COL22A1: variants seen among roughly 807,000 people sequenced by gnomAD.
The protein encoded by COL22A1 is collagen type XXII alpha 1 chain.
A neutral mutation model predicts 248.9 loss-of-function variants in COL22A1; 221 were observed. The ratio of observed to expected loss-of-function variants is 0.89; its 90% confidence interval spans 0.80 to 0.99. The LOEUF is 0.99. Ranked by LOEUF, COL22A1 falls within the 50% of genes least tolerant of loss-of-function variation. The probability of loss-of-function intolerance (pLI) is 0.00; values close to 1 mark genes in which losing one functional copy is unlikely to be tolerated. For missense variants in COL22A1, 2,240 were observed against 2,179.0 expected, an observed-to-expected ratio of 1.03 and a Z score of -0.56; for synonymous variants, 891 against 793.4, an observed-to-expected ratio of 1.12 and a Z score of -2.07.
At chr8:138,694,317 C>T (rs1261028830) in intron 34 of COL22A1, among the ~76,000 whole-genome samples, 191 bp downstream of exon 34, 2 of 152,162 alleles carry the variant, frequency 1.3e-5, no homozygotes, top group East Asian at 3.9e-4. Context: ...AGAGGTGGGG[C>T]CTGGCCCCAT....
chr8:138,821,013 G>A lies in COL22A1; in HGVS notation c.1245+123C>T, dbSNP rs573409015. On this transcript the variant is annotated intron_variant, in intron 7 of 64. Coordinates refer to ENST00000303045, the MANE Select transcript of COL22A1 (RefSeq NM_152888.3). ...GAGTCAGGGTCTTTCCTTCTAAGAC[G>A]GTCCAAGGTGATGATTTGGTACCTG... is the stretch of plus-strand genomic sequence containing the variant. 177 of 1,071,158 alleles carry A rather than the reference G, an allele frequency of 1.7e-4. 2 individuals are homozygous for A. The highest frequency in any genetic ancestry group is 5.8e-4 in the Middle Eastern group (2 of 3,472). 66.4% of individuals were successfully genotyped at this position (1,071,158 alleles called of 1,614,324 possible). A position where few individuals can be genotyped will look rare whatever the true frequency, so the allele number is the denominator to read the frequency against.
intron 5 of COL22A1, among the ~76,000 whole-genome samples, chr8:138,831,072 TTTC>T (rs1257949419): frequency 4.6e-5 from 7 of 152,330 alleles, no homozygotes; most frequent in East Asian, 3.9e-4. Context: ...ACTTGTCTCA[TTTC>T]TTCTTCTGTA....
At position 138,776,906 on chromosome 8, in the gene COL22A1, G is replaced by T. The variant is rs150618280; in HGVS notation, c.1759-896C>A. ...CTAGGGGTTGTGTCGGAAGGCTACTGCCCTACTCTGAGAAGCAGAAGGCCT... is the reference window on the plus strand; with the variant it reads ...CTAGGGGTTGTGTCGGAAGGCTACTTCCCTACTCTGAGAAGCAGAAGGCCT... On this transcript the variant is annotated intron_variant, in intron 15 of 64. Coordinates refer to ENST00000303045, the MANE Select transcript of COL22A1 (RefSeq NM_152888.3). Among the ~76,000 whole-genome samples, 397 of 152,314 alleles carry T rather than the reference G, an allele frequency of 2.6e-3. 2 individuals are homozygous for T. The highest frequency in any genetic ancestry group is 9.0e-3 in the African/African-American group (376 of 41,572).
intron 3 of COL22A1, among the ~76,000 whole-genome samples, chr8:138,858,119 T>C (rs1034001624): frequency 6.6e-6 from 1 of 152,326 alleles, no homozygotes; most frequent in Admixed American, 6.5e-5. Flanking sequence ...CTCTGTTCTG[T>C]TTGTTCCTTA....
chr8:138,750,365 A>G (rs1360260174), intron 22 of COL22A1, among the ~76,000 whole-genome samples: 2 of 152,346 alleles, frequency 1.3e-5, no homozygotes, highest in East Asian at 1.9e-4. Flanking sequence ...TATAGGAGGC[A>G]CAGTTCTTTG....
intron 40 of COL22A1, among the ~76,000 whole-genome samples, chr8:138,679,248 C>T (rs1308098134): frequency 2.0e-5 from 3 of 152,134 alleles, no homozygotes; most frequent in South Asian, 2.1e-4. Flanking sequence ...TATTTCTTTG[C>T]ACTTTGGTTT....
In COL22A1 at chr8:138,694,370, A is replaced by C; in HGVS notation, c.2700+138T>G. ...TTAGTGAGGGCCACTCAGCCTCTGC[A>C]GCACATTGGGGCTGCTCTGCCCAGC... On this transcript the variant is annotated intron_variant, in intron 34 of 64. Transcript: ENST00000303045. 5.7e-6 allele frequency: 5 copies of C among 884,378 alleles called. No homozygotes were observed. In the South Asian group the frequency reaches 6.7e-5, roughly 12 times the overall value. The allele number at this position is 884,378 out of a possible 1,614,324, so 54.8% of individuals were successfully genotyped here.
chr8:138,812,601 C>A (rs1189822762), intron 8 of COL22A1, among the ~76,000 whole-genome samples: 1 of 152,140 alleles, frequency 6.6e-6, no homozygotes, highest in South Asian at 2.1e-4. Context: ...CAGGGCACTG[C>A]GGCCTCTCCC....
intron 50 of COL22A1, among the ~76,000 whole-genome samples, chr8:138,626,514 T>C (rs1483830959): frequency 1.3e-5 from 2 of 152,188 alleles, no homozygotes; most frequent in African/African-American, 2.4e-5. Flanking sequence ...AAACTGAATA[T>C]TGGAATGCCA....
intron 47 of COL22A1, among the ~76,000 whole-genome samples, chr8:138,643,873 T>C (rs776818119): frequency 2.0e-5 from 3 of 151,998 alleles, no homozygotes; most frequent in Admixed American, 6.6e-5. Context: ...CTAATTTCTG[T>C]TTTTAGTAGA....
chr8:138,769,458 G>A (rs545728726), intron 16 of COL22A1, among the ~76,000 whole-genome samples: 3 of 152,276 alleles, frequency 2.0e-5, no homozygotes, highest in South Asian at 2.1e-4. Flanking sequence ...GGAGCTGAGA[G>A]CCACCCTGGC....
At chr8:138,813,720 G>A (rs938613376) in intron 7 of COL22A1, among the ~76,000 whole-genome samples, 3 of 150,524 alleles carry the variant, frequency 2.0e-5, no homozygotes, top group Non-Finnish European at 3.0e-5. Context: ...TTCAGGACAC[G>A]TTAAAGTCCA....
At chr8:138,761,781 G>A (rs1286742136) in intron 17 of COL22A1, among the ~76,000 whole-genome samples, 2 of 152,122 alleles carry the variant, frequency 1.3e-5, no homozygotes, top group Non-Finnish European at 2.9e-5. Flanking sequence ...CGTTCACATG[G>A]TTCAAAACTG....
rs112088912 is a variant in COL22A1, at chr8:138,838,834, C to T, written c.733+5250G>A. ...GAGCACCTCGCTGAAGCCAGGGAAG[C>T]CGCTGGACCACGTGGTGTCAGAAGA... On this transcript the variant is annotated intron_variant, in intron 4 of 64. Transcript: ENST00000303045. Among the ~76,000 whole-genome samples, 531 of 152,286 alleles carry T rather than the reference C, an allele frequency of 3.5e-3. 3 individuals are homozygous for T. Among genetic ancestry groups the T allele is most frequent in the African/African-American group, 0.012 (498 of 41,554 alleles).
intron 32 of COL22A1, among the ~76,000 whole-genome samples, chr8:138,698,639 CA>C (rs1179522249): frequency 6.7e-5 from 10 of 149,452 alleles, no homozygotes; most frequent in Non-Finnish European, 1.3e-4. Context: ...TGCTGCCCTG[CA>C]GGTGAAAGAG....
At chr8:138,646,881 G>C (rs555947228) in intron 46 of COL22A1, among the ~76,000 whole-genome samples, 199 bp from the exon 47 acceptor site, 1 of 152,206 alleles carries the variant, frequency 6.6e-6, no homozygotes, top group Non-Finnish European at 1.5e-5. Flanking sequence ...TGCAACCATG[G>C]CATGACCCAC....
chr8:138,911,337 T>C (rs1320280), intron 1 of COL22A1, among the ~76,000 whole-genome samples: 146,721 of 152,330 alleles, frequency 0.96, 70,706 homozygotes, highest in East Asian at 1. Flanking sequence ...AGAAGACCTT[T>C]CTATGGTAGT....
intron 3 of COL22A1, 143 bp downstream of exon 3, chr8:138,877,607 G>T: frequency 1.3e-6 from 1 of 778,062 alleles, no homozygotes; most frequent in African/African-American, 1.8e-5. Context: ...AAGAATGTGG[G>T]TCCCCTCAGC....
chr8:138,600,172 C>T (rs1817885034), intron 60 of COL22A1, among the ~76,000 whole-genome samples: 2 of 152,300 alleles, frequency 1.3e-5, no homozygotes, highest in East Asian at 3.9e-4. Flanking sequence ...AGTCCTCTGC[C>T]TTTATGTGCT....
Sources: allele counts gnomAD v4.1 joint callset (sites outside exome capture counted in the v4.1 genomes callset), GRCh38; gene constraint gnomAD v4.1.1; transcripts MANE v1.5; gene names NCBI Gene and HGNC (gene_info 2026-07-23, HGNC 2026-07-21).